The following AFF2 variants were observed in gnomAD, a reference collection of about 807,000 sequenced individuals.
AFF2 encodes AF4/FMR2 family member 2.
AFF2 carries 14 observed loss-of-function variants against 76.9 expected under a neutral mutation model. The ratio of observed to expected loss-of-function variants is 0.18; its 90% CI spans 0.12 to 0.28. The LOEUF (loss-of-function observed/expected upper bound fraction) is 0.28. Among genes scored for constraint, AFF2 ranks in the 10% least tolerant of loss-of-function variants. The pLI, the probability that AFF2 is intolerant of heterozygous loss-of-function variation, is 1.00. For missense variants in AFF2, 868 were observed against 1,001.1 expected (o/e 0.87, Z 1.79); for synonymous variants, 398 against 366.7 (o/e 1.09, Z -0.98).
At chrX:148,602,450 T>C (rs73249428) in intron 1 of AFF2, among the ~76,000 whole-genome samples, 15 of 107,984 alleles carry the variant, frequency 1.4e-4, no homozygotes, top group African/African-American at 5.1e-4. Flanking sequence ...GATTGGGGGG[T>C]GTGGGATTGG....
rs782093682 is a variant in AFF2, at chrX:148,713,580, T to C, written c.1041+50812T>C. Among the ~76,000 whole-genome samples, 104 of 111,811 alleles carry C rather than the reference T, an allele frequency of 9.3e-4. 1 individual carries two copies. Among genetic ancestry groups the C allele is most frequent in the African/African-American group, 3.3e-3 (102 of 30,801 alleles). On this transcript the variant is annotated intron_variant, in intron 3 of 20. Transcript: ENST00000370460. ...CCAGTACTTCCTATTTCACCCAACA[T>C]ACAAAATTTCTGAAAAATAAATTAT...
chrX:148,985,413 C>T (rs140766620), intron 19 of AFF2, among the ~76,000 whole-genome samples: 3 of 102,498 alleles, frequency 2.9e-5, no homozygotes, highest in Non-Finnish European at 3.9e-5. Flanking sequence ...GCAATCCTCT[C>T]GCTTCAGCCT....
At chrX:148,967,557 G>C in intron 14 of AFF2, 72 bp from the exon 15 acceptor site, 1 of 971,093 alleles carries the variant, frequency 1.0e-6, no homozygotes, top group East Asian at 3.1e-5. Context: ...TAGCAGAAAA[G>C]GTTTGATGAT....
intron 9 of AFF2, among the ~76,000 whole-genome samples, chrX:148,932,028 C>G (rs1166352724): frequency 1.8e-5 from 2 of 112,213 alleles, no homozygotes; most frequent in African/African-American, 6.5e-5. Context: ...CCCACCAAAT[C>G]TGCCTCCAAC....
At chrX:148,587,700 T>C (rs1255384153) in intron 1 of AFF2, among the ~76,000 whole-genome samples, 2 of 112,303 alleles carry the variant, frequency 1.8e-5, no homozygotes, top group East Asian at 2.8e-4. Context: ...GTTGATTGCA[T>C]GGTCAGCCTG....
chrX:148,546,655 A>G (rs2063740534), intron 1 of AFF2, among the ~76,000 whole-genome samples: 1 of 112,308 alleles, frequency 8.9e-6, no homozygotes, highest in Non-Finnish European at 1.9e-5. Context: ...TACTGCTTCA[A>G]TAGTATTATA....
chrX:148,533,543 C>G (rs187221221), intron 1 of AFF2, among the ~76,000 whole-genome samples: 1,262 of 111,510 alleles, frequency 0.011, 8 homozygotes, highest in Non-Finnish European at 0.019. Flanking sequence ...CCGCCTGCAT[C>G]GGCCTCCCAA....
At chrX:148,831,572 C>T (rs2070454442) in intron 4 of AFF2, among the ~76,000 whole-genome samples, 1 of 112,030 alleles carries the variant, frequency 8.9e-6, no homozygotes, top group Admixed American at 9.4e-5. Flanking sequence ...ATTAACACCC[C>T]CACTGCTGCT....
chrX:148,969,472 T>C (rs1159816648), intron 15 of AFF2, among the ~76,000 whole-genome samples: 1 of 112,222 alleles, frequency 8.9e-6, no homozygotes, highest in Non-Finnish European at 1.9e-5. Flanking sequence ...CCTCAGATGC[T>C]CAAGTCTCTG....
At chrX:148,774,736 T>C (rs10521876) in intron 3 of AFF2, among the ~76,000 whole-genome samples, 12,247 of 111,847 alleles carry the variant, frequency 0.11, 680 homozygotes, top group Non-Finnish European at 0.16. Context: ...TTTGTTTCTT[T>C]GGGCTCAGAT....
intron 1 of AFF2, among the ~76,000 whole-genome samples, chrX:148,531,975 T>C (rs1268422388): frequency 1.8e-5 from 2 of 111,118 alleles, no homozygotes; most frequent in African/African-American, 6.5e-5. Context: ...TTAACATTCT[T>C]TAATGGGGGT....
chrX:148,962,139 T>A (rs1330213061), intron 12 of AFF2, among the ~76,000 whole-genome samples: 1 of 112,981 alleles, frequency 8.9e-6, no homozygotes, highest in African/African-American at 3.2e-5. Flanking sequence ...CAGAGGCTCA[T>A]TATGCTTGGC....
At chrX:148,580,309 C>CT (rs1348192279) in intron 1 of AFF2, among the ~76,000 whole-genome samples, 4 of 111,290 alleles carry the variant, frequency 3.6e-5, no homozygotes, top group Non-Finnish European at 7.5e-5. Flanking sequence ...TCTTAGGGGG[C>CT]TTATCCTTGG....
chrX:148,818,954 AAC>A (rs2070297132), intron 4 of AFF2, among the ~76,000 whole-genome samples: 1 of 111,246 alleles, frequency 9.0e-6, no homozygotes, highest in East Asian at 2.8e-4. Flanking sequence ...TGAAGCAGCT[AAC>A]ACAGAATTGG....
chrX:148,665,093 C>T (rs182264029), intron 3 of AFF2, among the ~76,000 whole-genome samples: 1 of 112,211 alleles, frequency 8.9e-6, no homozygotes, highest in East Asian at 2.8e-4. Flanking sequence ...AATAGCACTG[C>T]CCCATAAAGC....
intron 3 of AFF2, among the ~76,000 whole-genome samples, chrX:148,754,814 A>G (rs1423105491): frequency 2.7e-5 from 3 of 112,011 alleles, no homozygotes; most frequent in Non-Finnish European, 5.6e-5. Context: ...CAACTGTACT[A>G]TTAATGAACA....
At chrX:148,831,574 A>AG (rs1557273323) in intron 4 of AFF2, among the ~76,000 whole-genome samples, 2 of 111,500 alleles carry the variant, frequency 1.8e-5, no homozygotes, top group Non-Finnish European at 3.8e-5. Flanking sequence ...TAACACCCCC[A>AG]CTGCTGCTGC....
At chrX:148,700,462 G>GTGTGTGT (rs201478374) in intron 3 of AFF2, among the ~76,000 whole-genome samples, 3 of 98,981 alleles carry the variant, frequency 3.0e-5, no homozygotes, top group Admixed American at 2.2e-4. Context: ...GTGTGTGTGT[G>GTGTGTGT]GTGATTGCGG....
intron 7 of AFF2, among the ~76,000 whole-genome samples, chrX:148,879,824 G>A (rs1246237045): frequency 1.8e-5 from 2 of 110,845 alleles, no homozygotes; most frequent in African/African-American, 3.3e-5. Flanking sequence ...AGAGACAGAC[G>A]GAAGGCTGCT....
Sources: gnomAD v4.1 joint callset for allele counts (sites outside exome capture counted in the v4.1 genomes callset) on GRCh38, gnomAD v4.1.1 for gene constraint, MANE v1.5 for transcripts, NCBI Gene and HGNC (gene_info 2026-07-23, HGNC 2026-07-21) for gene names.